The following GIGYF2 variants were observed in gnomAD, a reference collection of about 807,000 sequenced individuals.
The protein encoded by GIGYF2 is GRB10-interacting GYF protein 2.
GIGYF2 carries 25 observed loss-of-function variants against 208.1 expected under a neutral mutation model. The ratio of observed to expected loss-of-function variants is 0.12; its 90% CI spans 0.09 to 0.17. GIGYF2 has a LOEUF of 0.17. GIGYF2 is among the 10% of genes least tolerant of loss of function. The probability of loss-of-function intolerance (pLI) is 1.00; values close to 1 mark genes in which losing one functional copy is unlikely to be tolerated. For missense variants in GIGYF2, 1,302 were observed against 1,579.4 expected (o/e 0.82, Z 2.98); for synonymous variants, 534 against 543.8 (o/e 0.98, Z 0.25).
chr2:232,834,296 G>T (rs1298992258), intron 22 of GIGYF2, among the ~76,000 whole-genome samples: 2 of 152,100 alleles, frequency 1.3e-5, no homozygotes, highest in African/African-American at 4.8e-5. Flanking sequence ...CATTCTCAGA[G>T]TTCCGTCACT....
rs548397744 is a variant in GIGYF2 at position 232,809,504 on chromosome 2, G to A, written c.1807-216G>A. On this transcript the variant is annotated intron_variant, in intron 15 of 28. Coordinates refer to ENST00000373563, the MANE Select transcript of GIGYF2 (RefSeq NM_001103146.3). The stretch of plus-strand genomic sequence containing the variant: ...AAATAAGGACCCTTTCTCACCTTAG[G>A]GAATCTTTTGTAATATTGACACCAC... 2.0e-5 allele frequency among the ~76,000 whole-genome samples: 3 copies of A among 152,208 alleles called. No individual in the cohort carries two copies. In the South Asian group the frequency reaches 6.2e-4, roughly 32 times the overall value.
intron 22 of GIGYF2, among the ~76,000 whole-genome samples, chr2:232,838,286 G>A (rs12623027): frequency 0.36 from 54,225 of 151,026 alleles, 10,132 homozygotes; most frequent in East Asian, 0.55. Flanking sequence ...GTGTGCATGT[G>A]TATATATATA....
Position 232,726,222 on chromosome 2 carries a change from A to G in GIGYF2, c.-43-8933A>G, listed in dbSNP as rs940127535. Among the ~76,000 whole-genome samples, 97 of 152,072 alleles carry G rather than the reference A, an allele frequency of 6.4e-4. 7 individuals are homozygous for G. Among genetic ancestry groups the G allele is most frequent in the Non-Finnish European group, 8.8e-5 (6 of 68,014 alleles). ...TGCCTCTACTAAAAATACAAAAATT[A>G]TCTGGGTGTGGTGTTCGGCGCCTGT... On this transcript the variant is annotated intron_variant, in intron 2 of 28. Coordinates refer to ENST00000373563, the MANE Select transcript of GIGYF2 (RefSeq NM_001103146.3).
chr2:232,814,406 A>C (rs1442972008), intron 18 of GIGYF2, among the ~76,000 whole-genome samples: 1 of 151,292 alleles, frequency 6.6e-6, no homozygotes, highest in African/African-American at 2.4e-5. Flanking sequence ...ACTAAAAATA[A>C]AAAAAAATTA....
chr2:232,783,764 G>A (rs995849396), intron 8 of GIGYF2, among the ~76,000 whole-genome samples: 6 of 152,086 alleles, frequency 3.9e-5, no homozygotes, highest in Admixed American at 1.3e-4. Context: ...TTGGCTCACC[G>A]CAACCTCTGC....
intron 2 of GIGYF2, among the ~76,000 whole-genome samples, chr2:232,713,899 T>C (rs1000090912): frequency 2.0e-5 from 3 of 152,194 alleles, no homozygotes; most frequent in Non-Finnish European, 4.4e-5. Context: ...GTTTGTCCAC[T>C]GTGAAGTTAG....
At chr2:232,803,682 T>TCCTTCACCAGTAC (rs1417159519) in intron 14 of GIGYF2, among the ~76,000 whole-genome samples, 4 of 94,298 alleles carry the variant, frequency 4.2e-5, no homozygotes, top group South Asian at 4.1e-4. Context: ...TTCTTTTTTT[T>TCCTTCACCAGTAC]TTTTTTTTTT....
intron 21 of GIGYF2, among the ~76,000 whole-genome samples, chr2:232,827,210 T>A (rs528884199): frequency 6.6e-6 from 1 of 152,282 alleles, no homozygotes; most frequent in Admixed American, 6.5e-5. Flanking sequence ...TAGACATTGT[T>A]TTTTAAGACA....
chr2:232,708,336 G>A (rs1406505871), intron 2 of GIGYF2, among the ~76,000 whole-genome samples: 1 of 152,134 alleles, frequency 6.6e-6, no homozygotes, highest in Non-Finnish European at 1.5e-5. Flanking sequence ...GGCAGACTAT[G>A]TTGTTTAATT....
rs563821908 is a variant in GIGYF2, at chr2:232,839,662, A to G, written c.2767-187A>G. Among the ~76,000 whole-genome samples, 7 of 152,364 alleles carry G rather than the reference A, an allele frequency of 4.6e-5. No individual in the cohort carries two copies. The South Asian group carries it at 1.4e-3, about 32-fold the overall frequency. ...AAATAAACTTAGGTTTGGAGCAGTGACAAAAACTTAAGCAAAAGAAGCTGA... is the reference window on the plus strand; with the variant it reads ...AAATAAACTTAGGTTTGGAGCAGTGGCAAAAACTTAAGCAAAAGAAGCTGA... On this transcript the variant is annotated intron_variant, in intron 22 of 28. Coordinates refer to ENST00000373563, the MANE Select transcript of GIGYF2 (RefSeq NM_001103146.3).
chr2:232,726,668 A>C (rs1340054453), intron 2 of GIGYF2, among the ~76,000 whole-genome samples: 2 of 152,116 alleles, frequency 1.3e-5, no homozygotes, highest in Non-Finnish European at 2.9e-5. Flanking sequence ...TGAGATTTCT[A>C]CTAGGTTAAA....
intron 2 of GIGYF2, among the ~76,000 whole-genome samples, chr2:232,706,938 C>T (rs1447825567): frequency 2.4e-5 from 3 of 125,002 alleles, no homozygotes; most frequent in Admixed American, 1.7e-4. Context: ...AGAGCAAGAC[C>T]TTGTCTCAAA....
At chr2:232,803,044 C>T (rs554479249) in intron 14 of GIGYF2, among the ~76,000 whole-genome samples, 44 of 152,106 alleles carry the variant, frequency 2.9e-4, no homozygotes, top group Non-Finnish European at 5.0e-4. Context: ...AGATTACAGG[C>T]GTGTGCCACC....
At chr2:232,709,466 C>A (rs988696902) in intron 2 of GIGYF2, among the ~76,000 whole-genome samples, 1 of 152,130 alleles carries the variant, frequency 6.6e-6, no homozygotes, top group Non-Finnish European at 1.5e-5. Context: ...TGGGGCTATA[C>A]GCGCGGCCCA....
At chr2:232,822,402 G>A (rs1701114785) in intron 21 of GIGYF2, among the ~76,000 whole-genome samples, 1 of 152,192 alleles carries the variant, frequency 6.6e-6, no homozygotes, top group South Asian at 2.1e-4. Context: ...TTTCCAGCAG[G>A]CTGGGTGCAG....
intron 25 of GIGYF2, among the ~76,000 whole-genome samples, chr2:232,845,496 C>A (rs575538538): frequency 6.6e-6 from 1 of 152,074 alleles, no homozygotes; most frequent in Non-Finnish European, 1.5e-5. Context: ...GGAAGAATTT[C>A]ATCATTTTTT....
At chr2:232,702,826 A>C (rs180888061) in intron 1 of GIGYF2, among the ~76,000 whole-genome samples, 1 of 152,148 alleles carries the variant, frequency 6.6e-6, no homozygotes. Flanking sequence ...ATAAGGTCTC[A>C]CTCTGTCACC....
chr2:232,788,760 A>G (rs563537661), intron 9 of GIGYF2, among the ~76,000 whole-genome samples: 1 of 152,118 alleles, frequency 6.6e-6, no homozygotes, highest in South Asian at 2.1e-4. Flanking sequence ...TTTGACTTTC[A>G]TATCATTTTT....
chr2:232,805,546 C>T (rs1181844314), intron 14 of GIGYF2, among the ~76,000 whole-genome samples: 1 of 152,098 alleles, frequency 6.6e-6, no homozygotes, highest in South Asian at 2.1e-4. Flanking sequence ...TTTTTCTCTC[C>T]TCAGTCTGCC....
Sources: allele counts gnomAD v4.1 joint callset (sites outside exome capture counted in the v4.1 genomes callset), GRCh38; gene constraint gnomAD v4.1.1; transcripts MANE v1.5; gene names NCBI Gene and HGNC (gene_info 2026-07-23, HGNC 2026-07-21).